Variants in DENND1B observed in about 807,000 individuals in gnomAD.
The protein encoded by DENND1B is DENN domain-containing protein 1B.
Under a neutral mutation model 90.1 loss-of-function variants are expected in DENND1B, and 59 were observed. The observed-to-expected ratio is 0.65, with a 90% CI of 0.53 to 0.81. The LOEUF is 0.81. Among genes scored for constraint, DENND1B ranks in the 40% least tolerant of loss-of-function variants. The probability of loss-of-function intolerance (pLI) is 0.00; values close to 1 mark genes in which losing one functional copy is unlikely to be tolerated. For synonymous variants in DENND1B, 337 were observed against 324.6 expected (o/e 1.04, Z -0.41); for missense variants, 862 against 912.6 (o/e 0.94, Z 0.71).
chr1:197,536,117 G>A (rs1669861640), intron 20 of DENND1B, among the ~76,000 whole-genome samples: 1 of 134,154 alleles, frequency 7.5e-6, no homozygotes, highest in African/African-American at 2.8e-5. Flanking sequence ...ACGGAGGGAG[G>A]GAGAGAGGGA....
intron 2 of DENND1B, among the ~76,000 whole-genome samples, chr1:197,772,212 A>G (rs534503702): frequency 7.6e-4 from 115 of 152,298 alleles, no homozygotes; most frequent in African/African-American, 2.7e-3. Context: ...AAAAGACACT[A>G]AATTTCCAAA....
chr1:197,731,923 G>A (rs1193603013), intron 2 of DENND1B, among the ~76,000 whole-genome samples: 1 of 152,124 alleles, frequency 6.6e-6, no homozygotes, highest in East Asian at 1.9e-4. Context: ...TTGATAGGAT[G>A]AGTGGAGATT....
chr1:197,522,777 A>G (rs569904958), intron 20 of DENND1B, among the ~76,000 whole-genome samples: 15 of 152,220 alleles, frequency 9.9e-5, no homozygotes, highest in Non-Finnish European at 2.1e-4. Context: ...TGAATTTCAT[A>G]TATTAGAAGC....
chr1:197,696,642 G>T (rs200087223), intron 3 of DENND1B, among the ~76,000 whole-genome samples: 1 of 151,492 alleles, frequency 6.6e-6, no homozygotes, highest in South Asian at 2.1e-4. Context: ...CAAATTTAAG[G>T]TGAAACACCA....
intron 11 of DENND1B, among the ~76,000 whole-genome samples, chr1:197,616,080 A>G (rs1260727812): frequency 6.6e-6 from 1 of 151,062 alleles, no homozygotes; most frequent in African/African-American, 2.4e-5. Flanking sequence ...ATTGAACTTA[A>G]TTAAAGGTGT....
intron 10 of DENND1B, among the ~76,000 whole-genome samples, chr1:197,620,527 T>G (rs1678059394): frequency 6.6e-6 from 1 of 151,330 alleles, no homozygotes; most frequent in Admixed American, 6.6e-5. Context: ...TATATTCTTA[T>G]GTATTGAGAT....
chr1:197,544,507 CATTTATT>C (rs1360917880), intron 18 of DENND1B, among the ~76,000 whole-genome samples: 4 of 152,018 alleles, frequency 2.6e-5, no homozygotes, highest in Non-Finnish European at 1.5e-5. Flanking sequence ...TTTACTTTAT[CATTTATT>C]ATTTACTTTA....
chr1:197,575,794 A>C (rs2125749785), intron 15 of DENND1B, among the ~76,000 whole-genome samples: 1 of 152,328 alleles, frequency 6.6e-6, no homozygotes, highest in African/African-American at 2.4e-5. Flanking sequence ...GACATGGATG[A>C]AGCTGGAAAC....
chr1:197,553,024 C>T lies in DENND1B; in HGVS notation c.1238G>A (p.Gly413Glu), dbSNP rs550512768. The T allele has an allele frequency of 1.2e-5, 19 of 1,574,336 alleles. No individual in the cohort carries two copies. The South Asian group carries it at 2.3e-4, about 19-fold the overall frequency. Residue 413 changes from glycine to glutamate, a missense_variant and splice_region_variant, in exon 16 of 23, where the codon GGA (glycine) becomes GAA (glutamate). Gly to Glu is a moderately conservative substitution (Grantham distance 98). Transcript: ENST00000620048. Reference protein sequence around the residue: ...EEEITSGGFCGGNPRSYQQWV... With the variant: ...EEEITSGGFCEGNPRSYQQWV... ...ATCATATTGTAACTTGTCTTTACCTCCACAAAAGCCACCTGAAGTGATCTC... is the reference window on the plus strand; with the variant it reads ...ATCATATTGTAACTTGTCTTTACCTTCACAAAAGCCACCTGAAGTGATCTC...
intron 5 of DENND1B, among the ~76,000 whole-genome samples, chr1:197,670,252 T>C (rs1277080132): frequency 6.6e-6 from 1 of 152,280 alleles, no homozygotes; most frequent in East Asian, 1.9e-4. Flanking sequence ...TTGTGAATGA[T>C]TAATAAGTTC....
intron 10 of DENND1B, among the ~76,000 whole-genome samples, chr1:197,631,665 C>A (rs1041568318): frequency 6.6e-5 from 10 of 151,690 alleles, no homozygotes; most frequent in Middle Eastern, 6.8e-3. Context: ...AAAGTAAATT[C>A]TAAATCTTTA....
chr1:197,778,484 G>A (rs1025970573), upstream of DENND1B, among the ~76,000 whole-genome samples: 4 of 152,072 alleles, frequency 2.6e-5, no homozygotes, highest in Admixed American at 2.6e-4. Flanking sequence ...AGACCAGCCT[G>A]GCCAACTTGG....
intron 15 of DENND1B, among the ~76,000 whole-genome samples, chr1:197,563,421 T>A (rs1394498129): frequency 6.6e-6 from 1 of 151,996 alleles, no homozygotes; most frequent in Non-Finnish European, 1.5e-5. Context: ...CTGAGTCTAC[T>A]CTGCCTGTGC....
chr1:197,640,297 A>C (rs1288050045), intron 10 of DENND1B, among the ~76,000 whole-genome samples: 1 of 151,812 alleles, frequency 6.6e-6, no homozygotes, highest in East Asian at 1.9e-4. Context: ...ACATAGTGAA[A>C]CCCCGTCTCT....
intron 2 of DENND1B, chr1:197,735,253 A>G: frequency 8.9e-7 from 1 of 1,128,638 alleles, no homozygotes; most frequent in Non-Finnish European, 1.1e-6. Context: ...TGATTACAGT[A>G]CCAAATACAT....
intron 2 of DENND1B, among the ~76,000 whole-genome samples, chr1:197,743,526 A>G (rs1194825815): frequency 6.6e-6 from 1 of 152,204 alleles, no homozygotes; most frequent in Non-Finnish European, 1.5e-5. Flanking sequence ...CTAACTGATC[A>G]GCCTGGGGGT....
chr1:197,590,044 C>A (rs2125792486), intron 14 of DENND1B, among the ~76,000 whole-genome samples: 1 of 152,018 alleles, frequency 6.6e-6, no homozygotes, highest in Non-Finnish European at 1.5e-5. Context: ...AACTAAAGAC[C>A]ATTTCTTAGT....
chr1:197,722,717 C>T (rs1400779888), intron 2 of DENND1B, among the ~76,000 whole-genome samples: 2 of 152,148 alleles, frequency 1.3e-5, no homozygotes, highest in East Asian at 3.9e-4. Context: ...ACACAAAGAC[C>T]TCACAGAAAT....
At chr1:197,699,964 CACAA>C (rs1406334577) in intron 3 of DENND1B, among the ~76,000 whole-genome samples, 3 of 151,960 alleles carry the variant, frequency 2.0e-5, no homozygotes, top group African/African-American at 4.8e-5. Context: ...TAAGAGAGGA[CACAA>C]ACAAACGGAA....
Sources: gnomAD v4.1 joint callset for allele counts (sites outside exome capture counted in the v4.1 genomes callset) on GRCh38, gnomAD v4.1.1 for gene constraint, MANE v1.5 for transcripts, NCBI Gene and HGNC (gene_info 2026-07-23, HGNC 2026-07-21) for gene names.